The following ARHGAP6 variants were observed in gnomAD, a reference collection of about 807,000 sequenced individuals.
The protein encoded by ARHGAP6 is rho GTPase-activating protein 6.
Under a neutral mutation model 55.7 loss-of-function variants are expected in ARHGAP6, and 16 were observed. The ratio of observed to expected loss-of-function variants is 0.29; its 90% CI spans 0.19 to 0.44. ARHGAP6 has a LOEUF of 0.44. Ranked by LOEUF, ARHGAP6 falls within the 20% of genes least tolerant of loss-of-function variation. The pLI, the probability that ARHGAP6 is intolerant of heterozygous loss-of-function variation, is 1.00. For missense variants in ARHGAP6, 698 were observed against 808.9 expected (o/e 0.86, Z 1.66); for synonymous variants, 382 against 360.9 (o/e 1.06, Z -0.66).
intron 1 of ARHGAP6, among the ~76,000 whole-genome samples, chrX:11,572,961 G>A (rs755917313): frequency 8.9e-6 from 1 of 112,225 alleles, no homozygotes; most frequent in East Asian, 2.8e-4. Context: ...ATTTTTTCAT[G>A]TGTCTGTTGG....
chrX:11,340,099 A>G (rs1156848299), intron 1 of ARHGAP6, among the ~76,000 whole-genome samples: 10 of 112,287 alleles, frequency 8.9e-5, no homozygotes, highest in Non-Finnish European at 1.9e-4. Flanking sequence ...GGTCCCCTGT[A>G]TCCATTCTTG....
At chrX:11,274,437 A>G (rs1360093148) in intron 1 of ARHGAP6, among the ~76,000 whole-genome samples, 1 of 111,409 alleles carries the variant, frequency 9.0e-6, no homozygotes. Context: ...CACAGACAGT[A>G]TGATCCGCAA....
intron 1 of ARHGAP6, among the ~76,000 whole-genome samples, chrX:11,352,501 A>G (rs1193935551): frequency 8.9e-6 from 1 of 112,125 alleles, no homozygotes; most frequent in Non-Finnish European, 1.9e-5. Context: ...GGCATGAAAA[A>G]GTAGAGGATC....
chrX:11,213,192 C>A (rs2046831644), intron 2 of ARHGAP6, among the ~76,000 whole-genome samples: 1 of 113,104 alleles, frequency 8.8e-6, no homozygotes, highest in African/African-American at 3.2e-5. Flanking sequence ...CCACCCTTGC[C>A]CCTTTGGGTG....
At chrX:11,218,333 C>T (rs780640012) in intron 2 of ARHGAP6, among the ~76,000 whole-genome samples, 29 of 111,776 alleles carry the variant, frequency 2.6e-4, no homozygotes, top group Admixed American at 1.5e-3. Flanking sequence ...ATTGATTCTT[C>T]GTAACCATGA....
intron 2 of ARHGAP6, among the ~76,000 whole-genome samples, chrX:11,250,075 T>C (rs1381610080): frequency 8.9e-6 from 1 of 112,199 alleles, no homozygotes; most frequent in Non-Finnish European, 1.9e-5. Context: ...AATTTTCATA[T>C]GTATTTTGGT....
chrX:11,148,801 C>G (rs976562246), intron 10 of ARHGAP6: 1 of 308,581 alleles, frequency 3.2e-6, no homozygotes, highest in Admixed American at 3.3e-5. Context: ...GCAAGAAGAA[C>G]TGTGGAGGTT....
intron 2 of ARHGAP6, among the ~76,000 whole-genome samples, chrX:11,216,740 G>A (rs1201783435): frequency 1.8e-5 from 2 of 111,063 alleles, no homozygotes; most frequent in East Asian, 5.6e-4. Flanking sequence ...TATACTTTAA[G>A]TTATATGGGA....
chrX:11,516,926 C>T (rs943986943), intron 1 of ARHGAP6, among the ~76,000 whole-genome samples: 6 of 111,800 alleles, frequency 5.4e-5, no homozygotes, highest in Admixed American at 3.8e-4. Flanking sequence ...TCCTTCAAGG[C>T]CCCTATTCAC....
intron 9 of ARHGAP6, among the ~76,000 whole-genome samples, chrX:11,161,267 G>T (rs1292656548): frequency 8.9e-6 from 1 of 112,239 alleles, no homozygotes; most frequent in African/African-American, 3.2e-5. Context: ...TATATTGGAT[G>T]AACACTTATT....
chrX:11,247,498 C>T (rs774222542), intron 2 of ARHGAP6, among the ~76,000 whole-genome samples: 22 of 112,036 alleles, frequency 2.0e-4, no homozygotes, highest in Non-Finnish European at 4.1e-4. Context: ...CTGTAAAGGG[C>T]CAGATAGTAA....
chrX:11,140,436 T>TAA (rs749318989), intron 12 of ARHGAP6, among the ~76,000 whole-genome samples: 21 of 93,716 alleles, frequency 2.2e-4, no homozygotes, highest in African/African-American at 5.1e-4. Flanking sequence ...AAAAAAAAAT[T>TAA]AAAAAAAAAA....
At chrX:11,571,522 A>G (rs1263345739) in intron 1 of ARHGAP6, among the ~76,000 whole-genome samples, 1 of 109,836 alleles carries the variant, frequency 9.1e-6, no homozygotes, top group Admixed American at 9.8e-5. Flanking sequence ...TTACCCTTAC[A>G]TGGGGAGATA....
At chrX:11,182,696 C>T (rs1310001667) in intron 5 of ARHGAP6, among the ~76,000 whole-genome samples, 23 of 93,415 alleles carry the variant, frequency 2.5e-4, no homozygotes, top group Non-Finnish European at 3.7e-4. Context: ...AGTACAGTGA[C>T]GTGATTACGG....
chrX:11,290,767 G>A (rs1386066654), intron 1 of ARHGAP6, among the ~76,000 whole-genome samples: 1 of 111,763 alleles, frequency 8.9e-6, no homozygotes, highest in Non-Finnish European at 1.9e-5. Flanking sequence ...CAGGCAGTAA[G>A]CCAGTGGAGA....
At chrX:11,393,010 C>T (rs1047220146) in intron 1 of ARHGAP6, among the ~76,000 whole-genome samples, 6 of 111,254 alleles carry the variant, frequency 5.4e-5, no homozygotes, top group Non-Finnish European at 1.1e-4. Context: ...GAAGGATATC[C>T]TGAAAAAGAC....
At chrX:11,278,540 C>T (rs768518713) in intron 1 of ARHGAP6, among the ~76,000 whole-genome samples, 6 of 111,817 alleles carry the variant, frequency 5.4e-5, no homozygotes, top group African/African-American at 1.3e-4. Flanking sequence ...ACCTACAGCA[C>T]TTTAAGATAA....
intron 2 of ARHGAP6, among the ~76,000 whole-genome samples, chrX:11,215,935 T>C (rs1254833857): frequency 1.8e-5 from 2 of 111,321 alleles, no homozygotes; most frequent in Non-Finnish European, 1.9e-5. Context: ...CATGGGAGGT[T>C]CTCCCTCATA....
chrX:11,179,405 C>G lies in ARHGAP6; in HGVS notation c.1377G>C (p.Glu459Asp), dbSNP rs1406121876. Reference protein sequence around the residue: ...DRGIDVSLEEEHSVHDVAALL... With the variant: ...DRGIDVSLEEDHSVHDVAALL... ...AGGCTGCCACATCATGAACACTGTG[C>G]TCCTCCTCCAGAGAGACATCAATCC... The change falls in exon 7 of 13, where the codon GAG (glutamate) becomes GAC (aspartate). Residue 459 changes from glutamate (E) to aspartate (D), a missense_variant. Coordinates refer to ENST00000337414, the MANE Select transcript of ARHGAP6 (RefSeq NM_013427.3). The G allele has an allele frequency of 1.7e-6, 2 of 1,210,144 alleles. No individual in the cohort carries two copies. Among genetic ancestry groups the G allele is most frequent in the Non-Finnish European group, 2.2e-6 (2 of 894,943 alleles).
Sources: gnomAD v4.1 joint callset for allele counts (sites outside exome capture counted in the v4.1 genomes callset) on GRCh38, gnomAD v4.1.1 for gene constraint, MANE v1.5 for transcripts, NCBI Gene and HGNC (gene_info 2026-07-23, HGNC 2026-07-21) for gene names.